Variants in ASB13 observed in about 807,000 individuals in gnomAD.
ASB13 encodes the protein ankyrin repeat and SOCS box containing 13.
In ASB13, 33 loss-of-function variants were observed where a neutral mutation model predicts 28.8. That is an observed-to-expected ratio of 1.15 (90% CI 0.87 to 1.53). The LOEUF (loss-of-function observed/expected upper bound fraction) is 1.53, where lower values mean the gene tolerates loss of function less well. Ranked by LOEUF, ASB13 falls within the 40% of genes most tolerant of loss-of-function variation. ASB13 has a pLI of 0.00. For synonymous variants in ASB13, 182 were observed against 172.9 expected, an observed-to-expected ratio of 1.05 and a Z score of -0.41; for missense variants, 414 against 390.1, an observed-to-expected ratio of 1.06 and a Z score of -0.52.
chr10:5,666,183 C>A (rs995688978), intron 1 of ASB13, among the ~76,000 whole-genome samples: 1 of 152,234 alleles, frequency 6.6e-6, no homozygotes, highest in African/African-American at 2.4e-5. Flanking sequence ...CACTGGGCAA[C>A]GGCCCCGCAC....
Position 5,648,964 on chromosome 10 carries a change from A to C in ASB13, c.517+6T>G. On this transcript the variant is annotated splice_donor_region_variant and intron_variant, in intron 4 of 5. Transcript: ENST00000357700. ...TAAACACCCGCTCGGGCAAACACCC[A>C]CTCACCTGCATTGAGCAGCACTTTG... 1.9e-6 allele frequency: 3 copies of C among 1,613,532 alleles called. No homozygotes were observed. The highest frequency in any genetic ancestry group is 2.2e-5 in the South Asian group (2 of 91,074).
chr10:5,662,378 G>C (rs562067034), intron 1 of ASB13, among the ~76,000 whole-genome samples: 219 of 151,868 alleles, frequency 1.4e-3, no homozygotes, highest in Non-Finnish European at 2.9e-3. Flanking sequence ...AATTAGCTGG[G>C]TGTGGTGGCA....
intron 1 of ASB13, 39 bp from the exon 2 acceptor site, chr10:5,653,089 T>C: frequency 6.7e-7 from 1 of 1,501,616 alleles, no homozygotes; most frequent in Non-Finnish European, 8.9e-7. Context: ...ACCCTGCCAC[T>C]TCCATCCAGG....
chr10:5,655,579 C>T lies in ASB13; in HGVS notation c.44-2529G>A, dbSNP rs1004125625. ...AAGTGGGGACTAGGGAGAACTGAAC[C>T]ACAAAGGAAGATTCGATCCCCACAA... On this transcript the variant is annotated intron_variant, in intron 1 of 5. Transcript: ENST00000357700. This position sits in a 1 kb window ranked among gnomAD's most constrained non-coding sequence, Gnocchi z 6.2. Among the ~76,000 whole-genome samples, 5 of 152,190 alleles carry T rather than the reference C, an allele frequency of 3.3e-5. No individual in the cohort carries two copies. Among genetic ancestry groups the T allele is most frequent in the Admixed American group, 3.3e-4 (5 of 15,284 alleles).
rs1835001433 is a variant in ASB13, at chr10:5,652,350, G to A, written c.231+513C>T. ...GGGTGTGCAGGGCCAGTGTTTGCCA[G>A]CTCGGGAGAGCTGGCTGCCAATGTG... On this transcript the variant is annotated intron_variant, in intron 2 of 5. Transcript: ENST00000357700. The surrounding 1 kb of genome is among the most constrained non-coding windows in gnomAD (Gnocchi z 5.0). Among the ~76,000 whole-genome samples, 1 of 152,214 alleles carries A rather than the reference G, an allele frequency of 6.6e-6. No homozygotes were observed. Among genetic ancestry groups the A allele is most frequent in the Non-Finnish European group, 1.5e-5 (1 of 68,044 alleles).
Position 5,645,468 on chromosome 10 carries a change from C to T in ASB13, c.517+3502G>A, listed in dbSNP as rs185652236. The stretch of plus-strand genomic sequence containing the variant: ...ATCATAACCGGACTTTCACCCTCCC[C>T]AGCCCTCCTCCTTTGCAAATACAAT... On this transcript the variant is annotated intron_variant, in intron 4 of 5. Coordinates refer to ENST00000357700, the MANE Select transcript of ASB13 (RefSeq NM_024701.4). The surrounding 1 kb of genome is among the most constrained non-coding windows in gnomAD (Gnocchi z 5.4). Among the ~76,000 whole-genome samples, 12 of 152,292 alleles carry T rather than the reference C, an allele frequency of 7.9e-5. No individual in the cohort carries two copies. The highest frequency in any genetic ancestry group is 1.2e-4 in the Non-Finnish European group (8 of 68,022).
At position 5,656,209 on chromosome 10, in the gene ASB13, T is replaced by C. The variant is rs1334050076; in HGVS notation, c.44-3159A>G. ...TCCACGTGGTTGCTCAGTGAGTGAG[T>C]GGATGAGTAAATGAATGGAAGGAGT... On this transcript the variant is annotated intron_variant, in intron 1 of 5. Coordinates refer to ENST00000357700, the MANE Select transcript of ASB13 (RefSeq NM_024701.4). This position sits in a 1 kb window ranked among gnomAD's most constrained non-coding sequence, Gnocchi z 4.3. Among the ~76,000 whole-genome samples the C allele has an allele frequency of 1.3e-5, 2 of 151,960 alleles. No individual in the cohort carries two copies. The highest frequency in any genetic ancestry group is 1.3e-4 in the Admixed American group (2 of 15,260).
rs1474277366 is a variant in ASB13 at position 5,641,856 on chromosome 10, A to T, written c.623T>A (p.Ile208Asn). ...CTTCCCGCGGTTGTCCCGGGCGTAG[A>T]TGTTGCCGCCAAACTCGATAAGCAT... ...IEMLIEFGGN[I>N]YARDNRGKKP... Residue 208 changes from isoleucine to asparagine, a missense_variant, in exon 5 of 6, where the codon ATC becomes AAC. Transcript: ENST00000357700. The surrounding 1 kb of genome is among the most constrained non-coding windows in gnomAD (Gnocchi z 8.4). 1 of 1,614,074 alleles carries T rather than the reference A, an allele frequency of 6.2e-7. No homozygotes were observed. The highest frequency in any genetic ancestry group is 8.5e-7 in the Non-Finnish European group (1 of 1,179,988).
chr10:5,639,017 G>T lies in ASB13; in HGVS notation c.*1686C>A, dbSNP rs935999904. ...GGCAGAACCCAGTGCTTTTTTTAAT[G>T]GTTGTTATTCCATGCAGAAACACTG... On this transcript the variant is annotated 3_prime_UTR_variant, in exon 6 of 6. Transcript: ENST00000357700. 1 of 152,710 alleles carries T rather than the reference G, an allele frequency of 6.5e-6. No homozygotes were observed. Among genetic ancestry groups the T allele is most frequent in the East Asian group, 1.9e-4 (1 of 5,188 alleles). 9.5% of individuals were successfully genotyped at this position (152,710 alleles called of 1,614,324 possible).
intron 4 of ASB13, 51 bp downstream of exon 4, chr10:5,648,919 C>A: frequency 6.2e-7 from 1 of 1,601,516 alleles, no homozygotes; most frequent in Non-Finnish European, 8.5e-7. Flanking sequence ...AACACCCGCT[C>A]GGGCAAACAC....
At chr10:5,653,994 T>C (rs1027930696) in intron 1 of ASB13, among the ~76,000 whole-genome samples, 1 of 151,924 alleles carries the variant, frequency 6.6e-6, no homozygotes, top group Non-Finnish European at 1.5e-5. Flanking sequence ...TTTATTTCTT[T>C]TCCTTGTTGA....
intron 5 of ASB13, 145 bp from the exon 6 acceptor site, chr10:5,640,975 C>T: frequency 9.1e-7 from 1 of 1,095,610 alleles, no homozygotes; most frequent in Non-Finnish European, 1.3e-6. Flanking sequence ...TCTGGAAGGA[C>T]AGCCAGGAAC....
rs527954486 is a variant in ASB13 at position 5,644,423 on chromosome 10, G to A, written c.518-2462C>T. Among the ~76,000 whole-genome samples the A allele has an allele frequency of 1.8e-4, 28 of 152,302 alleles. No homozygotes were observed. The East Asian group carries it at 5.4e-3, about 29-fold the overall frequency. On this transcript the variant is annotated intron_variant, in intron 4 of 5. Coordinates refer to ENST00000357700, the MANE Select transcript of ASB13 (RefSeq NM_024701.4). The surrounding 1 kb of genome is among the most constrained non-coding windows in gnomAD (Gnocchi z 5.1). ...AGGTAGGAGGATCACTTGAGCCCGG[G>A]AGGTTGAGGCTGCAGCAAGCCACGA...
chr10:5,648,833 T>A (rs746850099), intron 4 of ASB13, 137 bp downstream of exon 4: 3 of 1,228,720 alleles, frequency 2.4e-6, no homozygotes, highest in Non-Finnish European at 3.2e-6. Context: ...CGGGCAAACA[T>A]CCACTCCGGT....
At chr10:5,657,723 C>T (rs1301951624) in intron 1 of ASB13, among the ~76,000 whole-genome samples, 1 of 152,122 alleles carries the variant, frequency 6.6e-6, no homozygotes, top group Non-Finnish European at 1.5e-5. Context: ...ATTTGTACAC[C>T]CACATTCATA....
chr10:5,665,070 T>C (rs1011083821), intron 1 of ASB13, among the ~76,000 whole-genome samples: 2 of 152,208 alleles, frequency 1.3e-5, no homozygotes, highest in Non-Finnish European at 2.9e-5. Context: ...TTGGCCAGGC[T>C]GGTCTCGAAC....
At chr10:5,646,764 A>G (rs572161426) in intron 4 of ASB13, among the ~76,000 whole-genome samples, 3 of 151,984 alleles carry the variant, frequency 2.0e-5, no homozygotes, top group Non-Finnish European at 2.9e-5. Flanking sequence ...CACTAAGTTG[A>G]TCCCTTTCCC....
chr10:5,648,427 CAAACACCCACTCAGGT>C (rs1834923693), intron 4 of ASB13, among the ~76,000 whole-genome samples: 1 of 124,272 alleles, frequency 8.0e-6, no homozygotes, highest in African/African-American at 2.9e-5. Context: ...CCCACTCAGG[CAAACACCCACTCAGGT>C]AAACACCCAC....
At position 5,641,380 on chromosome 10, in the gene ASB13, G is replaced by A. The variant is rs1402441340; in HGVS notation, c.709+390C>T. 2.0e-5 allele frequency among the ~76,000 whole-genome samples: 3 copies of A among 152,168 alleles called. No individual in the cohort carries two copies. The highest frequency in any genetic ancestry group is 7.2e-5 in the African/African-American group (3 of 41,440). The stretch of plus-strand genomic sequence containing the variant: ...GCCTCCCAAAGTGCTGTGATTACAG[G>A]TGTGAGCCACTGCGCCTTTTCAAAA... On this transcript the variant is annotated intron_variant, in intron 5 of 5. Coordinates refer to ENST00000357700, the MANE Select transcript of ASB13 (RefSeq NM_024701.4). This position sits in a 1 kb window ranked among gnomAD's most constrained non-coding sequence, Gnocchi z 8.4.
Sources: gnomAD v4.1 joint callset for allele counts (sites outside exome capture counted in the v4.1 genomes callset) on GRCh38, gnomAD v4.1.1 for gene constraint, Gnocchi (gnomAD v3.1) non-coding constraint, MANE v1.5 for transcripts, NCBI Gene and HGNC (gene_info 2026-07-23, HGNC 2026-07-21) for gene names.